Variants in AOPEP observed in about 807,000 individuals in gnomAD.
AOPEP encodes aminopeptidase O (putative), also known as aminopeptidase O.
A neutral mutation model predicts 98.1 loss-of-function variants in AOPEP; 77 were observed. The observed-to-expected ratio is 0.78, with a 90% CI of 0.65 to 0.95. The LOEUF (loss-of-function observed/expected upper bound fraction) is 0.95. Ranked by LOEUF, AOPEP falls within the 40% of genes least tolerant of loss-of-function variation. The pLI is 0.00. For missense variants in AOPEP, 1,024 were observed against 1,024.7 expected (o/e 1.00, Z 0.01); for synonymous variants, 346 against 365.3 (o/e 0.95, Z 0.60).
chr9:94,855,956 T>A (rs2044156220), intron 5 of AOPEP, among the ~76,000 whole-genome samples: 1 of 152,076 alleles, frequency 6.6e-6, no homozygotes, highest in African/African-American at 2.4e-5. Context: ...TGAGGAAACA[T>A]TAGAATAAGA....
intron 5 of AOPEP, among the ~76,000 whole-genome samples, chr9:94,821,599 G>A (rs1403609655): frequency 6.6e-6 from 1 of 152,188 alleles, no homozygotes; most frequent in Non-Finnish European, 1.5e-5. Context: ...AAGGAAGAGT[G>A]AGTTGAGCTG....
At chr9:94,819,855 G>A (rs1852612391) in intron 5 of AOPEP, among the ~76,000 whole-genome samples, 1 of 151,692 alleles carries the variant, frequency 6.6e-6, no homozygotes, top group East Asian at 1.9e-4. Flanking sequence ...TTACAGGAAT[G>A]AGCCACTGTG....
At chr9:94,848,377 G>T (rs1358827916) in intron 5 of AOPEP, among the ~76,000 whole-genome samples, 1 of 151,532 alleles carries the variant, frequency 6.6e-6, no homozygotes, top group Non-Finnish European at 1.5e-5. Context: ...GCATGAACCC[G>T]GGAGGCGGAT....
intron 5 of AOPEP, among the ~76,000 whole-genome samples, chr9:94,922,683 G>C (rs1307055942): frequency 6.6e-6 from 1 of 151,746 alleles, no homozygotes; most frequent in Non-Finnish European, 1.5e-5. Flanking sequence ...GTTGGTGCCT[G>C]TTGCATCGCA....
At chr9:94,742,988 C>T (rs1587995692) in intron 1 of AOPEP, among the ~76,000 whole-genome samples, 1 of 151,718 alleles carries the variant, frequency 6.6e-6, no homozygotes, top group African/African-American at 2.4e-5. Flanking sequence ...GAGTTGAGTA[C>T]CTGAGATGTG....
chr9:94,934,379 C>T (rs141583114), intron 7 of AOPEP, among the ~76,000 whole-genome samples: 215 of 144,956 alleles, frequency 1.5e-3, no homozygotes, highest in African/African-American at 4.9e-3. Context: ...TTCAGTGGCG[C>T]GATTTCGGCT....
intron 11 of AOPEP, among the ~76,000 whole-genome samples, chr9:94,998,486 A>C (rs1306995102): frequency 2.0e-5 from 3 of 152,130 alleles, no homozygotes; most frequent in Non-Finnish European, 2.9e-5. Flanking sequence ...TCTTAAAGTC[A>C]CTTCCCTCCA....
chr9:95,049,656 T>C (rs1027721143), intron 13 of AOPEP, among the ~76,000 whole-genome samples: 1 of 152,178 alleles, frequency 6.6e-6, no homozygotes, highest in African/African-American at 2.4e-5. Context: ...TAAAGGAAGA[T>C]ACAAAAATAC....
chr9:95,102,353 T>C, the AOPEP span, among the ~76,000 whole-genome samples: 1 of 152,300 alleles, frequency 6.6e-6, no homozygotes, highest in African/African-American at 2.4e-5. Context: ...CCTCTAAGGT[T>C]TTAACACCTG....
At chr9:94,735,243 C>T (rs557508359) in intron 1 of AOPEP, among the ~76,000 whole-genome samples, 9 of 152,226 alleles carry the variant, frequency 5.9e-5, no homozygotes, top group South Asian at 4.1e-4. Flanking sequence ...TTTTTTGAGA[C>T]GGAGTCTCGC....
At chr9:94,951,364 C>A (rs554613267) in intron 7 of AOPEP, among the ~76,000 whole-genome samples, 1 of 152,288 alleles carries the variant, frequency 6.6e-6, no homozygotes, top group South Asian at 2.1e-4. Context: ...TTGGGGGGGC[C>A]CCAGAGTGTA....
Position 94,924,050 on chromosome 9 carries a change from C to T in AOPEP, c.1429C>T (p.Leu477Phe). The T allele has an allele frequency of 6.6e-7, 1 of 1,525,142 alleles. No individual in the cohort carries two copies. Among genetic ancestry groups the T allele is most frequent in the Non-Finnish European group, 8.8e-7 (1 of 1,133,706 alleles). The allele number at this position is 1,525,142 out of a possible 1,614,324, so 94.5% of individuals were successfully genotyped here. A position where few individuals can be genotyped will look rare whatever the true frequency, so the allele number is the denominator to read the frequency against. The change falls in exon 6 of 17, where the codon CTC becomes TTC. Residue 477 changes from leucine to phenylalanine, a missense_variant. This residue lies in a region of AOPEP where 566 missense variants were observed against 551.7 expected (regional missense o/e 1.03). Transcript: ENST00000375315. ...TGGNHLCGTRLCHEIAHAWFG... is the reference protein window; with the variant it reads ...TGGNHLCGTRFCHEIAHAWFG... ...AGGGAACCATCTCTGTGGGACCCGC[C>T]TCTGCCATGAAATTGCCCATGCCTG...
the AOPEP span, among the ~76,000 whole-genome samples, chr9:95,141,107 C>T: frequency 6.6e-6 from 1 of 151,642 alleles, no homozygotes; most frequent in East Asian, 1.9e-4. Context: ...TCCAGGAGTT[C>T]AAGACCAGCC....
chr9:95,059,932 G>A (rs752710890), intron 13 of AOPEP, among the ~76,000 whole-genome samples: 2 of 152,232 alleles, frequency 1.3e-5, no homozygotes, highest in Non-Finnish European at 2.9e-5. Flanking sequence ...GTTGCATAGC[G>A]AGTAACACGG....
intron 1 of AOPEP, among the ~76,000 whole-genome samples, chr9:94,737,571 C>T (rs2131840848): frequency 6.6e-6 from 1 of 152,260 alleles, no homozygotes; most frequent in African/African-American, 2.4e-5. Flanking sequence ...TTAGCCTTAA[C>T]AACAGTGTAT....
At chr9:95,145,437 C>T in the AOPEP span, 1 of 152,278 alleles carries the variant, frequency 6.6e-6, no homozygotes, top group East Asian at 1.9e-4. Context: ...ACAGCCTTAA[C>T]ATCATGAAAA....
At chr9:95,025,361 G>A (rs2063762007) in intron 13 of AOPEP, among the ~76,000 whole-genome samples, 1 of 152,220 alleles carries the variant, frequency 6.6e-6, no homozygotes, top group Non-Finnish European at 1.5e-5. Flanking sequence ...CACAGCCACT[G>A]CAGACGTGGC....
At chr9:94,875,279 T>A (rs923110767) in intron 5 of AOPEP, among the ~76,000 whole-genome samples, 1 of 144,718 alleles carries the variant, frequency 6.9e-6, no homozygotes, top group Non-Finnish European at 1.5e-5. Flanking sequence ...GGTATGAAAG[T>A]ACTGTTTATA....
downstream of AOPEP, among the ~76,000 whole-genome samples, chr9:95,091,822 G>T (rs1042150969): frequency 6.6e-6 from 1 of 152,158 alleles, no homozygotes; most frequent in Admixed American, 6.5e-5. Context: ...GGAAACCACC[G>T]TAAAGCCACA....
Sources: gnomAD v4.1 joint callset for allele counts (sites outside exome capture counted in the v4.1 genomes callset) on GRCh38, gnomAD v4.1.1 for gene constraint, gnomAD v4.1.1 regional missense constraint, MANE v1.5 for transcripts, NCBI Gene and HGNC (gene_info 2026-07-23, HGNC 2026-07-21) for gene names.